Variants in PPP2R2B observed in about 807,000 individuals in gnomAD.
PPP2R2B encodes the protein protein phosphatase 2 regulatory subunit Bbeta, also known as serine/threonine-protein phosphatase 2A 55 kDa regulatory subunit B beta isoform.
A neutral mutation model predicts 46.0 loss-of-function variants in PPP2R2B; 5 were observed. That is an observed-to-expected ratio of 0.11 (90% CI 0.06 to 0.23). The LOEUF (loss-of-function observed/expected upper bound fraction) is 0.23. PPP2R2B is among the 10% of genes least tolerant of loss of function. PPP2R2B has a pLI of 1.00. For synonymous variants in PPP2R2B, 215 were observed against 206.7 expected, an observed-to-expected ratio of 1.04 and a Z score of -0.34; for missense variants, 367 against 575.0, an observed-to-expected ratio of 0.64 and a Z score of 3.70.
chr5:146,704,317 G>A (rs2151171442), intron 2 of PPP2R2B, among the ~76,000 whole-genome samples: 1 of 152,338 alleles, frequency 6.6e-6, no homozygotes, highest in East Asian at 1.9e-4. Context: ...GATATGGTAA[G>A]AGGATGTAGT....
chr5:147,077,235 T>C (rs1018874426), intron 2 of PPP2R2B, among the ~76,000 whole-genome samples: 2 of 146,912 alleles, frequency 1.4e-5, no homozygotes, highest in Admixed American at 6.9e-5. Context: ...TGCATAAATA[T>C]AATATATACA....
chr5:146,720,211 T>C (rs1041067129), intron 2 of PPP2R2B, among the ~76,000 whole-genome samples: 1 of 152,200 alleles, frequency 6.6e-6, no homozygotes, highest in African/African-American at 2.4e-5. Context: ...AGGTCATTTG[T>C]CAGCACTGCA....
At chr5:147,079,338 T>A (rs1757896613) in intron 2 of PPP2R2B, among the ~76,000 whole-genome samples, 1 of 144,090 alleles carries the variant, frequency 6.9e-6, no homozygotes. Flanking sequence ...CATAAACAGA[T>A]GAATAGATAC....
chr5:147,031,488 T>TA (rs397803932), intron 1 of PPP2R2B, among the ~76,000 whole-genome samples: 2 of 151,508 alleles, frequency 1.3e-5, no homozygotes, highest in South Asian at 2.1e-4. Flanking sequence ...CTTTTTTTTT[T>TA]AATTTATCTT....
chr5:146,752,765 GC>G (rs1396149320), intron 2 of PPP2R2B, among the ~76,000 whole-genome samples: 3 of 143,094 alleles, frequency 2.1e-5, no homozygotes, highest in African/African-American at 5.3e-5. Flanking sequence ...ACAAAAATGA[GC>G]AGAAAAAAAG....
intron 2 of PPP2R2B, among the ~76,000 whole-genome samples, chr5:146,841,331 T>C (rs1759626169): frequency 3.9e-5 from 6 of 152,198 alleles, no homozygotes. Context: ...GGTTTTTATA[T>C]CTTTGTAGAG....
At chr5:147,039,674 C>G (rs887146283) in intron 1 of PPP2R2B, among the ~76,000 whole-genome samples, 2 of 152,158 alleles carry the variant, frequency 1.3e-5, no homozygotes, top group African/African-American at 4.8e-5. Flanking sequence ...TAAGTATATG[C>G]AAGTTCATCA....
At position 146,609,923 on chromosome 5, in the gene PPP2R2B, C is replaced by T. The variant is rs1293921831; in HGVS notation, c.791-9463G>A. 2.1e-5 allele frequency among the ~76,000 whole-genome samples: 3 copies of T among 145,480 alleles called. 1 individual carries two copies. The East Asian group carries it at 6.5e-4, about 32-fold the overall frequency. On this transcript the variant is annotated intron_variant, in intron 7 of 9. Coordinates refer to ENST00000394411, the MANE Select transcript of PPP2R2B (RefSeq NM_181675.4). ...TGGCAACGAGGCTGGGGGAGGGGCG[C>T]CCGCCATTGATTGCCCAGGCTTGCT...
intron 1 of PPP2R2B, among the ~76,000 whole-genome samples, chr5:146,958,354 G>A (rs962004698): frequency 1.3e-5 from 2 of 152,078 alleles, no homozygotes; most frequent in African/African-American, 4.8e-5. Flanking sequence ...CATTTTTGAA[G>A]GAAATATCAC....
chr5:146,973,113 CT>C (rs1216412349), intron 1 of PPP2R2B, among the ~76,000 whole-genome samples: 4 of 151,986 alleles, frequency 2.6e-5, no homozygotes, highest in Non-Finnish European at 5.9e-5. Flanking sequence ...TATGTTATGT[CT>C]TTGATCTACC....
At chr5:146,700,536 G>A (rs978614566) in intron 3 of PPP2R2B, among the ~76,000 whole-genome samples, 1 of 152,122 alleles carries the variant, frequency 6.6e-6, no homozygotes, top group African/African-American at 2.4e-5. Flanking sequence ...GTGATACTGT[G>A]ATGTGTGTCA....
At chr5:146,715,220 G>C (rs1780429246) in intron 2 of PPP2R2B, among the ~76,000 whole-genome samples, 1 of 152,152 alleles carries the variant, frequency 6.6e-6, no homozygotes, top group Admixed American at 6.5e-5. Flanking sequence ...GTGATTTGTA[G>C]ATCTCCCTTC....
intron 2 of PPP2R2B, among the ~76,000 whole-genome samples, chr5:146,820,855 T>C (rs1758212633): frequency 6.6e-6 from 1 of 152,176 alleles, no homozygotes; most frequent in Admixed American, 6.5e-5. Context: ...TGAGCACTTC[T>C]CAGCTGCACC....
At chr5:146,707,097 C>T in intron 2 of PPP2R2B, 2 of 1,556,388 alleles carry the variant, frequency 1.3e-6, no homozygotes, top group South Asian at 1.1e-5. Context: ...TGAAGTCCTC[C>T]ACCAGCCCCT....
At chr5:146,911,000 T>C (rs1763157669) in intron 1 of PPP2R2B, among the ~76,000 whole-genome samples, 1 of 152,166 alleles carries the variant, frequency 6.6e-6, no homozygotes, top group African/African-American at 2.4e-5. Context: ...CCATCCCTTT[T>C]CATATAGTTA....
intron 2 of PPP2R2B, among the ~76,000 whole-genome samples, chr5:146,845,142 C>T (rs1362709237): frequency 6.6e-6 from 1 of 152,076 alleles, no homozygotes; most frequent in African/African-American, 2.4e-5. Flanking sequence ...GATTAGCTTT[C>T]CCACCAATTC....
chr5:146,713,990 GA>G (rs1322524162), intron 2 of PPP2R2B, among the ~76,000 whole-genome samples: 3 of 152,082 alleles, frequency 2.0e-5, no homozygotes, highest in African/African-American at 7.2e-5. Flanking sequence ...AAAGCAACAA[GA>G]CCAGATGAGG....
intron 6 of PPP2R2B, among the ~76,000 whole-genome samples, chr5:146,641,744 A>G (rs984790390): frequency 6.6e-6 from 1 of 152,180 alleles, no homozygotes; most frequent in Non-Finnish European, 1.5e-5. Context: ...TGTTTTCAGC[A>G]TATGTAATTT....
chr5:146,905,634 C>T (rs1233099340), intron 1 of PPP2R2B, among the ~76,000 whole-genome samples: 4 of 152,144 alleles, frequency 2.6e-5, no homozygotes, highest in Non-Finnish European at 4.4e-5. Context: ...TGGTATAGTA[C>T]ATCTATACAA....
Sources: gnomAD v4.1 joint callset for allele counts (sites outside exome capture counted in the v4.1 genomes callset) on GRCh38, gnomAD v4.1.1 for gene constraint, MANE v1.5 for transcripts, NCBI Gene and HGNC (gene_info 2026-07-23, HGNC 2026-07-21) for gene names.